RIMKLA: variants seen among roughly 807,000 people sequenced by gnomAD.
RIMKLA encodes the protein ribosomal modification protein rimK like family member A, also known as N-acetylaspartylglutamate synthase A.
Under a neutral mutation model 32.7 loss-of-function variants are expected in RIMKLA, and 14 were observed. That is an observed-to-expected ratio of 0.43 (90% CI 0.28 to 0.67). The LOEUF (loss-of-function observed/expected upper bound fraction) is 0.67. Among genes scored for constraint, RIMKLA ranks in the 30% least tolerant of loss-of-function variants. The probability of loss-of-function intolerance (pLI) is 0.18; values close to 1 mark genes in which losing one functional copy is unlikely to be tolerated. For synonymous variants in RIMKLA, 176 were observed against 204.1 expected, an observed-to-expected ratio of 0.86 and a Z score of 1.18; for missense variants, 410 against 519.0, an observed-to-expected ratio of 0.79 and a Z score of 2.04.
chr1:42,403,252 A>G (rs562070766), intron 2 of RIMKLA, among the ~76,000 whole-genome samples: 1 of 152,326 alleles, frequency 6.6e-6, no homozygotes, highest in Non-Finnish European at 1.5e-5. Flanking sequence ...CACAGCAAAG[A>G]GAATCAGGAA....
intron 1 of RIMKLA, among the ~76,000 whole-genome samples, chr1:42,383,209 T>G (rs1293999053): frequency 6.6e-6 from 1 of 152,058 alleles, no homozygotes; most frequent in African/African-American, 2.4e-5. Context: ...TACAGGAAAA[T>G]GTACACAGCT....
At position 42,415,214 on chromosome 1, in the gene RIMKLA, T is replaced by C. The variant is rs1388609637; in HGVS notation, c.*240T>C. The C allele has an allele frequency of 4.4e-6, 2 of 451,134 alleles. No homozygotes were observed. Among genetic ancestry groups the C allele is most frequent in the South Asian group, 3.5e-5 (1 of 28,750 alleles). The allele number at this position is 451,134 out of a possible 1,614,324, so 27.9% of individuals were successfully genotyped here. A position where few individuals can be genotyped will look rare whatever the true frequency, so the allele number is the denominator to read the frequency against. On this transcript the variant is annotated 3_prime_UTR_variant, in exon 5 of 5. Coordinates refer to ENST00000431473, the MANE Select transcript of RIMKLA (RefSeq NM_173642.4). The stretch of plus-strand genomic sequence containing the variant: ...TGATCAGTATGAGACTGATGTCTGC[T>C]GTGAGCACGTGGATATTACGGCTGA...
intron 1 of RIMKLA, among the ~76,000 whole-genome samples, chr1:42,398,707 G>A (rs1017671074): frequency 5.9e-5 from 9 of 152,020 alleles, no homozygotes; most frequent in African/African-American, 1.7e-4. Context: ...AATGGCTCAC[G>A]CCTGTAATCC....
At position 42,380,854 on chromosome 1, in the gene RIMKLA, G is replaced by GC; in HGVS notation, c.-77dup. 1 of 959,244 alleles carries GC rather than the reference G, an allele frequency of 1.0e-6. No individual in the cohort carries two copies. Among genetic ancestry groups the GC allele is most frequent in the South Asian group, 5.0e-5 (1 of 20,066 alleles). The allele number at this position is 959,244 out of a possible 1,614,324, so 59.4% of individuals were successfully genotyped here. ...GGCGCGCTCGCCCCGGACGCCGGCC[G>GC]CCCCTCCGCTCGCCCTACTGAGCGA... On this transcript the variant is annotated 5_prime_UTR_variant, in exon 1 of 5. Transcript: ENST00000431473.
intron 3 of RIMKLA, among the ~76,000 whole-genome samples, chr1:42,407,206 G>A (rs776282428): frequency 3.9e-5 from 6 of 152,092 alleles, no homozygotes; most frequent in Non-Finnish European, 8.8e-5. Context: ...GCACCCAGCC[G>A]TATAATGTAG....
chr1:42,418,314 A>G lies in RIMKLA; in HGVS notation c.*3340A>G, dbSNP rs1044518519. On this transcript the variant is annotated 3_prime_UTR_variant, in exon 5 of 5. Coordinates refer to ENST00000431473, the MANE Select transcript of RIMKLA (RefSeq NM_173642.4). Reference sequence around the variant, plus strand: ...CTTCATGCTGTTTTTCTGATCGGGTATGGGGTTGCCAGAATGAGGATTTGG... The same window carrying G: ...CTTCATGCTGTTTTTCTGATCGGGTGTGGGGTTGCCAGAATGAGGATTTGG... 6.6e-6 allele frequency: 1 copy of G among 152,142 alleles called. No individual in the cohort carries two copies. Among genetic ancestry groups the G allele is most frequent in the African/African-American group, 2.4e-5 (1 of 41,428 alleles). 9.4% of individuals were successfully genotyped at this position (152,142 alleles called of 1,614,324 possible).
Position 42,411,745 on chromosome 1 carries a change from C to CACAATCTCCGT in RIMKLA, c.685+1558_685+1559insACAATCTCCGT, listed in dbSNP as rs372671813. Among the ~76,000 whole-genome samples, 1,457 of 152,100 alleles carry CACAATCTCCGT rather than the reference C, an allele frequency of 9.6e-3. 26 individuals are homozygous for CACAATCTCCGT. The highest frequency in any genetic ancestry group is 0.034 in the African/African-American group (1,400 of 41,458). The stretch of plus-strand genomic sequence containing the variant: ...CTGGAGTGCAGTGGCACAATCTCCG[C>CACAATCTCCGT]TCATTGCAAGCTCTGCCTCCCCGGT... On this transcript the variant is annotated intron_variant, in intron 4 of 4. Coordinates refer to ENST00000431473, the MANE Select transcript of RIMKLA (RefSeq NM_173642.4).
At chr1:42,389,142 T>C (rs1385017012) in intron 1 of RIMKLA, among the ~76,000 whole-genome samples, 1 of 152,186 alleles carries the variant, frequency 6.6e-6, no homozygotes, top group Non-Finnish European at 1.5e-5. Context: ...GAATAAAATA[T>C]GTTATTTGCT....
chr1:42,407,968 A>G (rs1195299353), intron 3 of RIMKLA, among the ~76,000 whole-genome samples: 3 of 152,158 alleles, frequency 2.0e-5, no homozygotes, highest in East Asian at 3.9e-4. Flanking sequence ...CCCGAAACCA[A>G]GAAACCCAGT....
intron 1 of RIMKLA, among the ~76,000 whole-genome samples, chr1:42,387,721 T>C (rs1642962286): frequency 6.6e-6 from 1 of 152,146 alleles, no homozygotes; most frequent in East Asian, 1.9e-4. Flanking sequence ...TATCTATTGA[T>C]GGCCTAGTGT....
At chr1:42,398,967 T>TC (rs1262211395) in intron 1 of RIMKLA, among the ~76,000 whole-genome samples, 8 of 98,390 alleles carry the variant, frequency 8.1e-5, no homozygotes, top group Non-Finnish European at 3.8e-5. Flanking sequence ...ACCCTGTCTT[T>TC]AAAAAAAAAA....
chr1:42,415,867 T>C lies in RIMKLA; in HGVS notation c.*893T>C, dbSNP rs1447411807. ...ACCATAGAAAGCTACTTGGAGATCA[T>C]CATTCTTCCCCTCCTCTACTGAAAC... On this transcript the variant is annotated 3_prime_UTR_variant, in exon 5 of 5. Coordinates refer to ENST00000431473, the MANE Select transcript of RIMKLA (RefSeq NM_173642.4). 6.6e-6 allele frequency: 1 copy of C among 152,196 alleles called. No individual in the cohort carries two copies. Among genetic ancestry groups the C allele is most frequent in the Non-Finnish European group, 1.5e-5 (1 of 68,028 alleles). The allele number at this position is 152,196 out of a possible 1,614,324, so 9.4% of individuals were successfully genotyped here.
At chr1:42,401,248 C>T (rs2148390491) in intron 2 of RIMKLA, among the ~76,000 whole-genome samples, 1 of 152,314 alleles carries the variant, frequency 6.6e-6, no homozygotes, top group South Asian at 2.1e-4. Flanking sequence ...GCTTGCTCAC[C>T]TGCTGCTCAC....
chr1:42,401,308 T>C (rs1027935376), intron 2 of RIMKLA, among the ~76,000 whole-genome samples: 3 of 151,966 alleles, frequency 2.0e-5, no homozygotes, highest in African/African-American at 4.8e-5. Flanking sequence ...GTTATTAGGG[T>C]TGGGGACTCC....
At chr1:42,382,953 G>C (rs538377418) in intron 1 of RIMKLA, among the ~76,000 whole-genome samples, 2 of 152,058 alleles carry the variant, frequency 1.3e-5, no homozygotes, top group African/African-American at 4.8e-5. Context: ...CACCTCCTGG[G>C]TTCAAGCAAT....
rs1643284005 is a variant in RIMKLA at position 42,420,256 on chromosome 1, A to G, written c.*5282A>G. Reference sequence around the variant, plus strand: ...AAATAGCGTCTTATCCCTGCAATGCATCAGCTGAGACATGAAGCTCAGTTT... The same window carrying G: ...AAATAGCGTCTTATCCCTGCAATGCGTCAGCTGAGACATGAAGCTCAGTTT... On this transcript the variant is annotated 3_prime_UTR_variant, in exon 5 of 5. Transcript: ENST00000431473. The G allele has an allele frequency of 6.6e-6, 1 of 152,284 alleles. No individual in the cohort carries two copies. The highest frequency in any genetic ancestry group is 6.5e-5 in the Admixed American group (1 of 15,278). 9.4% of individuals were successfully genotyped at this position (152,284 alleles called of 1,614,324 possible).
intron 3 of RIMKLA, among the ~76,000 whole-genome samples, chr1:42,408,427 G>C (rs1643167974): frequency 6.6e-6 from 1 of 152,122 alleles, no homozygotes; most frequent in Non-Finnish European, 1.5e-5. Flanking sequence ...TTGTTTGTTT[G>C]TTTGTTTTTG....
chr1:42,413,211 G>A (rs956122360), intron 4 of RIMKLA, among the ~76,000 whole-genome samples: 19 of 107,846 alleles, frequency 1.8e-4, no homozygotes, highest in Middle Eastern at 4.0e-3. Context: ...TAGAAAATTC[G>A]GAAAATATGG....
chr1:42,383,562 G>A (rs1008686378), intron 1 of RIMKLA, among the ~76,000 whole-genome samples: 3 of 152,034 alleles, frequency 2.0e-5, no homozygotes, highest in Non-Finnish European at 2.9e-5. Context: ...GTAATTTGCC[G>A]AGCCAAAGTA....
Sources: allele counts gnomAD v4.1 joint callset (sites outside exome capture counted in the v4.1 genomes callset), GRCh38; gene constraint gnomAD v4.1.1; transcripts MANE v1.5; gene names NCBI Gene and HGNC (gene_info 2026-07-23, HGNC 2026-07-21).